The following PCDHGB7 variants were observed in gnomAD, a reference collection of about 807,000 sequenced individuals.
PCDHGB7 encodes the protein protocadherin gamma subfamily B, 7.
A neutral mutation model predicts 61.4 loss-of-function variants in PCDHGB7; 37 were observed. That is an observed-to-expected ratio of 0.60 (90% CI 0.46 to 0.79). The LOEUF is 0.79. Ranked by LOEUF, PCDHGB7 falls within the 30% of genes least tolerant of loss-of-function variation. The pLI, the probability that PCDHGB7 is intolerant of heterozygous loss-of-function variation, is 0.00. For synonymous variants in PCDHGB7, 464 were observed against 503.5 expected, an observed-to-expected ratio of 0.92 and a Z score of 1.05; for missense variants, 1,166 against 1,202.5, an observed-to-expected ratio of 0.97 and a Z score of 0.45.
intron 1 of PCDHGB7, among the ~76,000 whole-genome samples, chr5:141,482,857 A>T (rs2099573663): frequency 6.6e-6 from 1 of 152,140 alleles, no homozygotes; most frequent in Admixed American, 6.5e-5. Flanking sequence ...AGATCACTTG[A>T]GGTCAGGAGT....
In PCDHGB7 at chr5:141,491,425, C is replaced by CA; in HGVS notation, c.2416-3381dup. The CA allele has an allele frequency of 6.2e-7, 1 of 1,614,076 alleles. No homozygotes were observed. The highest frequency in any genetic ancestry group is 8.5e-7 in the Non-Finnish European group (1 of 1,179,996). On this transcript the variant is annotated intron_variant, in intron 1 of 3. Coordinates refer to ENST00000398594, the MANE Select transcript of PCDHGB7 (RefSeq NM_018927.4). The surrounding 1 kb of genome is among the most constrained non-coding windows in gnomAD (Gnocchi z 6.9). ...CGCAGACGGGGACGGGGGTGGAGGG[C>CA]AGTGCTGCAGGCGCCAGGACTCACC...
intron 2 of PCDHGB7, among the ~76,000 whole-genome samples, chr5:141,497,920 C>T (rs548251626): frequency 6.6e-6 from 1 of 152,336 alleles, no homozygotes; most frequent in East Asian, 1.9e-4. Flanking sequence ...CTCCTTCATT[C>T]ATTCAACAAA....
rs1330784633 is a variant in PCDHGB7 at position 141,476,330 on chromosome 5, G to A, written c.2416-18477G>A. On this transcript the variant is annotated intron_variant, in intron 1 of 3. Transcript: ENST00000398594. This position sits in a 1 kb window ranked among gnomAD's most constrained non-coding sequence, Gnocchi z 7.6. ...CCGCAGGTTCCGGGTGGTGTCTGGA[G>A]CTAGCCGAAGATTCTTTGAGGTGAA... The A allele has an allele frequency of 1.2e-6, 2 of 1,614,092 alleles. No homozygotes were observed. The highest frequency in any genetic ancestry group is 1.6e-4 in the Middle Eastern group (1 of 6,084).
chr5:141,485,995 T>G lies in PCDHGB7; in HGVS notation c.2416-8812T>G. 1 of 1,614,176 alleles carries G rather than the reference T, an allele frequency of 6.2e-7. No individual in the cohort carries two copies. On this transcript the variant is annotated intron_variant, in intron 1 of 3. Transcript: ENST00000398594. The surrounding 1 kb of genome is among the most constrained non-coding windows in gnomAD (Gnocchi z 5.7). ...CCTCAGACCCGGACCTGGGTCCCAG[T>G]GGTAACGTCACCTTTTATTTCAGTG...
chr5:141,419,269 C>G lies in PCDHGB7; in HGVS notation c.1410C>G (p.Ser470=), dbSNP rs1456612499. The part of the protein sequence containing the change: ...HVPENNQPGA[S]IAQVSASDPD... ...CAGAAAACAACCAGCCGGGTGCCTC[C>G]ATAGCGCAAGTCAGTGCCTCTGACC... Residue 470 remains serine, a synonymous_variant, in exon 1 of 4, where the codon TCC becomes TCG. Transcript: ENST00000398594. 1 of 1,614,034 alleles carries G rather than the reference C, an allele frequency of 6.2e-7. No individual in the cohort carries two copies. Among genetic ancestry groups the G allele is most frequent in the Admixed American group, 1.7e-5 (1 of 60,032 alleles).
chr5:141,473,616 G>A (rs1049605139), intron 1 of PCDHGB7, among the ~76,000 whole-genome samples: 5 of 152,118 alleles, frequency 3.3e-5, no homozygotes, highest in African/African-American at 1.2e-4. Flanking sequence ...GCAAAGGGAG[G>A]GAGGAAAAAG....
In PCDHGB7 at chr5:141,422,662, G is replaced by A. The variant is rs771844166; in HGVS notation, c.2415+2388G>A. On this transcript the variant is annotated intron_variant, in intron 1 of 3. Transcript: ENST00000398594. Reference sequence around the variant, plus strand: ...CTCCATCTTCTCAGTGACCGCCCTCGACCCGGACAGCAAACAGAATGCCCT... The same window carrying A: ...CTCCATCTTCTCAGTGACCGCCCTCAACCCGGACAGCAAACAGAATGCCCT... 4 of 1,608,410 alleles carry A rather than the reference G, an allele frequency of 2.5e-6. No individual in the cohort carries two copies. In the South Asian group the frequency reaches 3.3e-5, roughly 13 times the overall value.
chr5:141,419,779 GC>G lies in PCDHGB7; in HGVS notation c.1921del (p.Arg641AlafsTer3). 1.2e-6 allele frequency: 2 copies of G among 1,614,064 alleles called. No individual in the cohort carries two copies. The highest frequency in any genetic ancestry group is 2.7e-5 in the African/African-American group (2 of 75,076). On this transcript the variant is annotated frameshift_variant, in exon 1 of 4. Transcript: ENST00000398594. LOFTEE classifies it high-confidence loss of function. Reference sequence around the variant, plus strand: ...TGGGTGACAAGGACTCGGTCCGCCAGCGCCTGCTAGTCGCTGTAAGAGATGG... The same window carrying G: ...TGGGTGACAAGGACTCGGTCCGCCAGGCCTGCTAGTCGCTGTAAGAGATGG... ...ALGDKDSVRQ[R>X]LLVAVRDGGQ...
intron 1 of PCDHGB7, chr5:141,422,386 A>G: frequency 1.3e-6 from 2 of 1,587,922 alleles, no homozygotes; most frequent in Non-Finnish European, 1.7e-6. Flanking sequence ...CTCCTGTTTT[A>G]TTCCTAACCA....
chr5:141,503,077 TCTC>T (rs1212079220), intron 2 of PCDHGB7, among the ~76,000 whole-genome samples: 1 of 151,810 alleles, frequency 6.6e-6, no homozygotes, highest in African/African-American at 2.4e-5. Flanking sequence ...ATGGTCTCGA[TCTC>T]CTGACCTCGT....
chr5:141,432,945 G>A lies in PCDHGB7; in HGVS notation c.2415+12671G>A, dbSNP rs761055026. On this transcript the variant is annotated intron_variant, in intron 1 of 3. Transcript: ENST00000398594. This position sits in a 1 kb window ranked among gnomAD's most constrained non-coding sequence, Gnocchi z 6.0. ...AAGTCACGCCTGCTGCAGGCTTCAGGAGGCGGCTTGACAGGAGCGCCGGCG... is the reference window on the plus strand; with the variant it reads ...AAGTCACGCCTGCTGCAGGCTTCAGAAGGCGGCTTGACAGGAGCGCCGGCG... 3 of 1,614,218 alleles carry A rather than the reference G, an allele frequency of 1.9e-6. No individual in the cohort carries two copies. The highest frequency in any genetic ancestry group is 2.5e-6 in the Non-Finnish European group (3 of 1,180,058).
In PCDHGB7 at chr5:141,494,027, G is replaced by A. The variant is rs77020157; in HGVS notation, c.2416-780G>A. 1.5e-4 allele frequency among the ~76,000 whole-genome samples: 23 copies of A among 152,298 alleles called. No homozygotes were observed. In the East Asian group the frequency reaches 3.3e-3, roughly 22 times the overall value. ...ACACATCAGCCCCTTGGGAGCCCTGGAGACTTAGTTGGCCCTGCTTGGAGG... is the reference window on the plus strand; with the variant it reads ...ACACATCAGCCCCTTGGGAGCCCTGAAGACTTAGTTGGCCCTGCTTGGAGG... On this transcript the variant is annotated intron_variant, in intron 1 of 3. Coordinates refer to ENST00000398594, the MANE Select transcript of PCDHGB7 (RefSeq NM_018927.4).
At position 141,423,386 on chromosome 5, in the gene PCDHGB7, G is replaced by C; in HGVS notation, c.2415+3112G>C. ...CTGCTGGCACTCAGGCTGTGGCGCT[G>C]GCATAAGTCACGCCTGCTGCAGGCT... On this transcript the variant is annotated intron_variant, in intron 1 of 3. Transcript: ENST00000398594. The C allele has an allele frequency of 1.9e-6, 3 of 1,614,160 alleles. No homozygotes were observed. The South Asian group carries it at 3.3e-5, about 18-fold the overall frequency.
At chr5:141,444,626 A>G (rs542390437) in intron 1 of PCDHGB7, among the ~76,000 whole-genome samples, 74 of 152,288 alleles carry the variant, frequency 4.9e-4, no homozygotes, top group African/African-American at 1.7e-3. Flanking sequence ...GGCATGATGC[A>G]CCAGTTCATT....
intron 1 of PCDHGB7, among the ~76,000 whole-genome samples, chr5:141,447,677 A>G (rs748479750): frequency 6.6e-6 from 1 of 152,184 alleles, no homozygotes; most frequent in Non-Finnish European, 1.5e-5. Context: ...GAACTGTTCC[A>G]TATCTTGATA....
chr5:141,443,392 T>C (rs151260637), intron 1 of PCDHGB7, among the ~76,000 whole-genome samples: 1,653 of 151,736 alleles, frequency 0.011, 7 homozygotes, highest in Middle Eastern at 0.038. Flanking sequence ...GGCTGAGGTG[T>C]GAGGATCACC....
rs1487863444 is a variant in PCDHGB7 at position 141,491,016 on chromosome 5, G to A, written c.2416-3791G>A. On this transcript the variant is annotated intron_variant, in intron 1 of 3. Transcript: ENST00000398594. This position sits in a 1 kb window ranked among gnomAD's most constrained non-coding sequence, Gnocchi z 6.9. ...CTCCTGGCTCCTTGGTCACCAAGGTGACAGCCGTGGATGCTGATGCAGGCC... is the reference window on the plus strand; with the variant it reads ...CTCCTGGCTCCTTGGTCACCAAGGTAACAGCCGTGGATGCTGATGCAGGCC... 2.5e-6 allele frequency: 4 copies of A among 1,614,136 alleles called. No individual in the cohort carries two copies. The African/African-American group carries it at 5.3e-5, about 22-fold the overall frequency.
Position 141,477,383 on chromosome 5 carries a change from T to A in PCDHGB7, c.2416-17424T>A. 6.2e-7 allele frequency: 1 copy of A among 1,614,102 alleles called. No homozygotes were observed. Among genetic ancestry groups the A allele is most frequent in the Non-Finnish European group, 8.5e-7 (1 of 1,180,006 alleles). On this transcript the variant is annotated intron_variant, in intron 1 of 3. Transcript: ENST00000398594. This position sits in a 1 kb window ranked among gnomAD's most constrained non-coding sequence, Gnocchi z 4.9. Reference sequence around the variant, plus strand: ...CCTGGATCGGGAGACTGTGCCAGAATACAACCTCAGCATCACCGCCCGAGA... The same window carrying A: ...CCTGGATCGGGAGACTGTGCCAGAAAACAACCTCAGCATCACCGCCCGAGA...
At chr5:141,447,613 A>G (rs1169186870) in intron 1 of PCDHGB7, among the ~76,000 whole-genome samples, 1 of 152,186 alleles carries the variant, frequency 6.6e-6, no homozygotes, top group Admixed American at 6.5e-5. Context: ...TTAGCATTTT[A>G]AAGTTGAAAC....
Sources: allele counts gnomAD v4.1 joint callset (sites outside exome capture counted in the v4.1 genomes callset), GRCh38; gene constraint gnomAD v4.1.1; non-coding constraint Gnocchi (gnomAD v3.1); transcripts MANE v1.5; gene names NCBI Gene and HGNC (gene_info 2026-07-23, HGNC 2026-07-21).